ZNF142: variants seen among roughly 807,000 people sequenced by gnomAD.
ZNF142 encodes zinc finger protein 142 (clone pHZ-49).
ZNF142 carries 96 observed loss-of-function variants against 132.1 expected under a neutral mutation model. The observed-to-expected ratio is 0.73, with a 90% CI of 0.62 to 0.86. The LOEUF (loss-of-function observed/expected upper bound fraction) is 0.86, where lower values mean the gene tolerates loss of function less well. Ranked by LOEUF, ZNF142 falls within the 40% of genes least tolerant of loss-of-function variation. The pLI, the probability that ZNF142 is intolerant of heterozygous loss-of-function variation, is 0.00. For missense variants in ZNF142, 2,163 were observed against 2,336.2 expected (o/e 0.93, Z 1.53); for synonymous variants, 842 against 890.1 (o/e 0.95, Z 0.96).
rs1697399142 is a variant in ZNF142 at position 218,643,251 on chromosome 2, C to T, written c.3865G>A (p.Gly1289Ser). 1.2e-6 allele frequency: 2 copies of T among 1,614,236 alleles called. No homozygotes were observed. The highest frequency in any genetic ancestry group is 1.7e-6 in the Non-Finnish European group (2 of 1,180,044). The change falls in exon 9 of 11, where the codon GGT becomes AGT. Residue 1289 changes from glycine (G) to serine (S), a missense_variant. Physicochemically the swap from Gly to Ser is moderately conservative, Grantham distance 56 (BLOSUM62 0). Around this residue, in one of 7 missense-constraint regions of ZNF142, gnomAD observed 809 missense variants for 801.7 expected, o/e 1.01. Coordinates refer to ENST00000411696, the MANE Select transcript of ZNF142 (RefSeq NM_001379659.1). Reference protein sequence around the residue: ...PKNGSTESSSGDGDTVLVQKQ... With the variant: ...PKNGSTESSSSDGDTVLVQKQ... ...TGAACCAGAACTGTATCCCCATCACCAGAGCTGGACTCTGTACTCCCATTC... is the reference window on the plus strand; with the variant it reads ...TGAACCAGAACTGTATCCCCATCACTAGAGCTGGACTCTGTACTCCCATTC...
intron 3 of ZNF142, among the ~76,000 whole-genome samples, chr2:218,657,628 C>T (rs1488231480): frequency 1.3e-5 from 2 of 152,112 alleles, no homozygotes; most frequent in Non-Finnish European, 2.9e-5. Context: ...TGGGGTTTCT[C>T]CATGTTGGTT....
chr2:218,634,813 G>A lies in ZNF142; in HGVS notation c.*3526C>T, dbSNP rs886477563. Among the ~76,000 whole-genome samples, 5 of 152,198 alleles carry A rather than the reference G, an allele frequency of 3.3e-5. No homozygotes were observed. The highest frequency in any genetic ancestry group is 1.2e-4 in the African/African-American group (5 of 41,454). On this transcript the variant is annotated 3_prime_UTR_variant, in exon 11 of 11. Coordinates refer to ENST00000411696, the MANE Select transcript of ZNF142 (RefSeq NM_001379659.1). This position sits in a 1 kb window ranked among gnomAD's most constrained non-coding sequence, Gnocchi z 4.0. Reference sequence around the variant, plus strand: ...TTCCTAATTGGGTAATGTTGGGCAAGTTCCTTAACCTCTCCATACCTCAGT... The same window carrying A: ...TTCCTAATTGGGTAATGTTGGGCAAATTCCTTAACCTCTCCATACCTCAGT...
chr2:218,638,972 T>A (rs1033320787), intron 10 of ZNF142, among the ~76,000 whole-genome samples, 164 bp from the exon 11 acceptor site: 1 of 152,198 alleles, frequency 6.6e-6, no homozygotes, highest in Admixed American at 6.5e-5. Context: ...CATTTCTTTT[T>A]TCTTTTATTT....
Position 218,636,314 on chromosome 2 carries a change from G to C in ZNF142, c.*2025C>G. 8 of 1,614,044 alleles carry C rather than the reference G, an allele frequency of 5.0e-6. No homozygotes were observed. Among genetic ancestry groups the C allele is most frequent in the Non-Finnish European group, 6.8e-6 (8 of 1,179,910 alleles). On this transcript the variant is annotated 3_prime_UTR_variant, in exon 11 of 11. Coordinates refer to ENST00000411696, the MANE Select transcript of ZNF142 (RefSeq NM_001379659.1). ...GCCTGAACTTGCCATGCTGCGTTTT[G>C]TGGTAATGGATTATGACTGGAAATC... is the stretch of plus-strand genomic sequence containing the variant.
intron 10 of ZNF142, among the ~76,000 whole-genome samples, chr2:218,639,778 G>A (rs1334415939): frequency 1.4e-5 from 2 of 147,168 alleles, no homozygotes; most frequent in Admixed American, 6.9e-5. Context: ...AGGAGGGGCC[G>A]AGCATGGTGG....
Position 218,637,109 on chromosome 2 carries a change from G to GCACTCAAAGTCCCC in ZNF142, c.*1216_*1229dup, listed in dbSNP as rs2106179028. 1 of 337,914 alleles carries GCACTCAAAGTCCCC rather than the reference G, an allele frequency of 3.0e-6. No individual in the cohort carries two copies. Among genetic ancestry groups the GCACTCAAAGTCCCC allele is most frequent in the East Asian group, 7.7e-5 (1 of 13,042 alleles). The allele number at this position is 337,914 out of a possible 1,614,324, so 20.9% of individuals were successfully genotyped here. On this transcript the variant is annotated 3_prime_UTR_variant, in exon 11 of 11. Transcript: ENST00000411696. ...ACGACTCTTAAGAGAACACTGCACA[G>GCACTCAAAGTCCCC]CACTCAAAGTCCCCCACTGGACTGC...
intron 3 of ZNF142, among the ~76,000 whole-genome samples, chr2:218,658,075 A>G (rs1416193439): frequency 6.6e-6 from 1 of 152,222 alleles, no homozygotes; most frequent in Non-Finnish European, 1.5e-5. Flanking sequence ...TTAACTGACT[A>G]TGGCCTCAAA....
rs1385955769 is a variant in ZNF142 at position 218,636,856 on chromosome 2, G to A, written c.*1483C>T. On this transcript the variant is annotated 3_prime_UTR_variant, in exon 11 of 11. Transcript: ENST00000411696. ...CTGGAGTTCCCTTCTTCCTCTTGCTGTAGGCTCAATCCCATACCGACATCT... is the reference window on the plus strand; with the variant it reads ...CTGGAGTTCCCTTCTTCCTCTTGCTATAGGCTCAATCCCATACCGACATCT... The A allele has an allele frequency of 1.9e-6, 1 of 520,024 alleles. No individual in the cohort carries two copies. Among genetic ancestry groups the A allele is most frequent in the Non-Finnish European group, 3.7e-6 (1 of 269,704 alleles). 32.2% of individuals were successfully genotyped at this position (520,024 alleles called of 1,614,324 possible).
At chr2:218,654,718 C>T (rs964235858) in intron 4 of ZNF142, among the ~76,000 whole-genome samples, 9 of 152,088 alleles carry the variant, frequency 5.9e-5, no homozygotes, top group African/African-American at 2.2e-4. Flanking sequence ...ATTAAGCATC[C>T]TTCCATATGG....
At chr2:218,655,044 G>GTGCCAC (rs1938359258) in intron 4 of ZNF142, among the ~76,000 whole-genome samples, 1 of 152,166 alleles carries the variant, frequency 6.6e-6, no homozygotes, top group African/African-American at 2.4e-5. Flanking sequence ...AGCCGTAACT[G>GTGCCAC]TGCCACTGCA....
In ZNF142 at chr2:218,654,639, A is replaced by G. The variant is rs998505778; in HGVS notation, c.280+1511T>C. 2.0e-5 allele frequency among the ~76,000 whole-genome samples: 3 copies of G among 152,182 alleles called. No homozygotes were observed. The South Asian group carries it at 6.2e-4, about 31-fold the overall frequency. On this transcript the variant is annotated intron_variant, in intron 4 of 10. Coordinates refer to ENST00000411696, the MANE Select transcript of ZNF142 (RefSeq NM_001379659.1). ...CTCGGCCTCCCAAAGTGCTAGGATT[A>G]TAGGCATGAGCCACCATGCCCAGCC...
At position 218,658,682 on chromosome 2, in the gene ZNF142, A is replaced by C. The variant is rs967909548; in HGVS notation, c.-35+19T>G. 1 of 152,184 alleles carries C rather than the reference A, an allele frequency of 6.6e-6. No individual in the cohort carries two copies. The highest frequency in any genetic ancestry group is 1.5e-5 in the Non-Finnish European group (1 of 68,034). The allele number at this position is 152,184 out of a possible 1,614,324, so 9.4% of individuals were successfully genotyped here. ...CCCGTGGTCAGAGGGATTCTCTGGA[A>C]ACTGCAGCCTCCACTTACTGAATAT... On this transcript the variant is annotated intron_variant, in intron 3 of 10. Transcript: ENST00000411696.
Position 218,650,889 on chromosome 2 carries a change from C to G in ZNF142, c.881-363G>C, listed in dbSNP as rs1032202236. On this transcript the variant is annotated intron_variant, in intron 5 of 10. Coordinates refer to ENST00000411696, the MANE Select transcript of ZNF142 (RefSeq NM_001379659.1). ...CCTGGCCCGTTTTCTCTGTTTCCTC[C>G]TGCTCCTCTGCTCTCTCATGCTTTT... 2.0e-5 allele frequency among the ~76,000 whole-genome samples: 3 copies of G among 152,190 alleles called. No homozygotes were observed. The East Asian group carries it at 5.8e-4, about 29-fold the overall frequency.
Position 218,640,767 on chromosome 2 carries a change from G to A in ZNF142, c.5091C>T (p.Tyr1697=), listed in dbSNP as rs1361142403. 3 of 1,613,930 alleles carry A rather than the reference G, an allele frequency of 1.9e-6. No homozygotes were observed. The highest frequency in any genetic ancestry group is 1.3e-5 in the African/African-American group (1 of 74,924). ...GTTCCTCCTTGTGGATCCGCATGTG[G>A]TACTGGAAGAGGCAAGAGCAAAAAG... ...YACADPSRLK[Y]HMRIHKEERK... Residue 1697 remains tyrosine (Y), a splice_region_variant and synonymous_variant, in exon 10 of 11, where the codon TAC becomes TAT. Coordinates refer to ENST00000411696, the MANE Select transcript of ZNF142 (RefSeq NM_001379659.1).
In ZNF142 at chr2:218,642,119, TTC is replaced by T. The variant is rs779284088; in HGVS notation, c.4995_4996del (p.Lys1666AspfsTer25). Reference sequence around the variant, plus strand: ...GTGGATGCGGCTGTGCCAGGTGATCTTCTGTCGGTTCTTGGTGCTGTAAGCAC... The same window carrying T: ...GTGGATGCGGCTGTGCCAGGTGATCTTGTCGGTTCTTGGTGCTGTAAGCAC... On this transcript the variant is annotated frameshift_variant, in exon 9 of 11. Transcript: ENST00000411696. LOFTEE classifies it high-confidence loss of function. This position sits in a 1 kb window ranked among gnomAD's most constrained non-coding sequence, Gnocchi z 4.6. The T allele has an allele frequency of 1.2e-6, 2 of 1,614,196 alleles. No homozygotes were observed.
In ZNF142 at chr2:218,643,125, C is replaced by T. The variant is rs199931379; in HGVS notation, c.3991G>A (p.Glu1331Lys). 5.6e-6 allele frequency: 9 copies of T among 1,613,720 alleles called. No individual in the cohort carries two copies. The South Asian group carries it at 8.8e-5, about 16-fold the overall frequency. ...THQIRGCPLE[E>K]SGELHCSLCP... is the part of the protein sequence containing the mutation. ...AGGCTGCAGTGCAGCTCTCCAGACT[C>T]CTCGAGGGGGCAGCCCCGGATCTGG... The change falls in exon 9 of 11, where the codon GAG becomes AAG. Residue 1331 changes from glutamate to lysine, a missense_variant. By Grantham distance (56) the Glu-to-Lys change is moderately conservative. Coordinates refer to ENST00000411696, the MANE Select transcript of ZNF142 (RefSeq NM_001379659.1).
Position 218,644,184 on chromosome 2 carries a change from T to G in ZNF142, c.2932A>C (p.Asn978His). 6.2e-7 allele frequency: 1 copy of G among 1,614,034 alleles called. No homozygotes were observed. Among genetic ancestry groups the G allele is most frequent in the Non-Finnish European group, 8.5e-7 (1 of 1,179,962 alleles). ...NPPSLEEAPN[N>H]WVGTFKTTPP... ...GTTGTCTTGAAGGTTCCTACCCAGT[T>G]GTTAGGAGCCTCCTCTAAGGATGGA... The change falls in exon 9 of 11, where the codon AAC becomes CAC. Residue 978 changes from asparagine to histidine, a missense_variant. By Grantham distance (68) the Asn-to-His change is moderately conservative (BLOSUM62 1). Transcript: ENST00000411696. The surrounding 1 kb of genome is among the most constrained non-coding windows in gnomAD (Gnocchi z 4.6).
Position 218,638,648 on chromosome 2 carries a change from G to T in ZNF142, c.5355C>A (p.Arg1785=), listed in dbSNP as rs1460523543. The part of the protein sequence containing the change: ...KTRFLLRTHL[R]KHSEAKPYVC... ...CATAGGGTTTGGCCTCACTGTGCTTGCGAAGGTGGGTGCGCAGCAGGAAGC... is the reference window on the plus strand; with the variant it reads ...CATAGGGTTTGGCCTCACTGTGCTTTCGAAGGTGGGTGCGCAGCAGGAAGC... The change falls in exon 11 of 11, where the codon CGC becomes CGA. Residue 1785 remains arginine, a synonymous_variant. Coordinates refer to ENST00000411696, the MANE Select transcript of ZNF142 (RefSeq NM_001379659.1). 6.2e-7 allele frequency: 1 copy of T among 1,614,152 alleles called. No homozygotes were observed.
In ZNF142 at chr2:218,643,770, G is replaced by A; in HGVS notation, c.3346C>T (p.Gln1116Ter). 2 of 1,611,434 alleles carry A rather than the reference G, an allele frequency of 1.2e-6. No homozygotes were observed. Among genetic ancestry groups the A allele is most frequent in the Non-Finnish European group, 1.7e-6 (2 of 1,178,698 alleles). ...IPLQPVLPGT[Q>*]ASEDTESGKP... ...CCACTTTCTGTGTCCTCTGAGGCCT[G>A]GGTACCTGGGAGCACAGGTTGCAGA... The change falls in exon 9 of 11, where the codon CAG becomes TAG. Residue 1116 changes from glutamine (Q) to a stop codon, truncating the protein, a stop_gained. Transcript: ENST00000411696. LOFTEE classifies it high-confidence loss of function.
Sources: allele counts gnomAD v4.1 joint callset (sites outside exome capture counted in the v4.1 genomes callset), GRCh38; gene constraint gnomAD v4.1.1; regional missense constraint gnomAD v4.1.1; non-coding constraint Gnocchi (gnomAD v3.1); transcripts MANE v1.5; gene names NCBI Gene and HGNC (gene_info 2026-07-23, HGNC 2026-07-21).